MEP1A: variants seen among roughly 807,000 people sequenced by gnomAD.
MEP1A encodes N-benzoyl-L-tyrosyl-P-amino-benzoic acid hydrolase subunit alpha.
Under a neutral mutation model 84.5 loss-of-function variants are expected in MEP1A, and 68 were observed. The ratio of observed to expected loss-of-function variants is 0.80; its 90% CI spans 0.66 to 0.98. The LOEUF is 0.98. Among genes scored for constraint, MEP1A ranks in the 50% least tolerant of loss-of-function variants. The probability of loss-of-function intolerance (pLI) is 0.00; values close to 1 mark genes in which losing one functional copy is unlikely to be tolerated. For missense variants in MEP1A, 887 were observed against 919.9 expected (o/e 0.96, Z 0.46); for synonymous variants, 337 against 336.8 (o/e 1.00, Z -0.01).
chr6:46,839,145 C>T lies in MEP1A; in HGVS notation c.*9C>T. 6.2e-7 allele frequency: 1 copy of T among 1,610,424 alleles called. No homozygotes were observed. The highest frequency in any genetic ancestry group is 8.5e-7 in the Non-Finnish European group (1 of 1,178,718). On this transcript the variant is annotated 3_prime_UTR_variant, in exon 14 of 14. Coordinates refer to ENST00000230588, the MANE Select transcript of MEP1A (RefSeq NM_005588.3). ...AAAGGCCAAGGAAGTGACCTGCCTG[C>T]TGGCATTGGCCAGACCACAGCAGCA...
chr6:46,826,257 T>A (rs946094724), intron 8 of MEP1A, 97 bp from the exon 9 acceptor site: 3 of 1,112,342 alleles, frequency 2.7e-6, no homozygotes, highest in East Asian at 5.1e-5. Context: ...TGTGATCCTG[T>A]CATATCTGAA....
chr6:46,835,148 TG>T, intron 12 of MEP1A, 100 bp from the exon 13 acceptor site: 1 of 1,025,960 alleles, frequency 9.7e-7, no homozygotes, highest in Non-Finnish European at 1.4e-6. Flanking sequence ...CTAGGGGTGA[TG>T]GGAGATAGAA....
rs748420550 is a variant in MEP1A, at chr6:46,798,594, T to A, written c.146-12T>A. The A allele has an allele frequency of 1.9e-6, 3 of 1,611,972 alleles. No homozygotes were observed. The highest frequency in any genetic ancestry group is 4.5e-5 in the East Asian group (2 of 44,878). Reference sequence around the variant, plus strand: ...TCAAATATTCTTTTTTTAAAAAAAATTCCACTTCCAGCTGCAGGCTTGGAC... The same window carrying A: ...TCAAATATTCTTTTTTTAAAAAAAAATCCACTTCCAGCTGCAGGCTTGGAC... On this transcript the variant is annotated splice_polypyrimidine_tract_variant and intron_variant, in intron 3 of 13. Coordinates refer to ENST00000230588, the MANE Select transcript of MEP1A (RefSeq NM_005588.3).
At position 46,833,237 on chromosome 6, in the gene MEP1A, G is replaced by A. The variant is rs1160791319; in HGVS notation, c.1308G>A (p.Trp436Ter). Residue 436 changes from tryptophan (W) to a stop codon, truncating the protein, a stop_gained, in exon 11 of 14, where the codon TGG (tryptophan) becomes TGA (stop). Transcript: ENST00000230588. LOFTEE classifies it high-confidence loss of function. ...AAACCCCCTGCCCCACAGGGGTCTG[G>A]ACAGTCCGGAATTTCTCCCAAGTCC... is the stretch of plus-strand genomic sequence containing the variant. ...LTETPCPTGV[W>*]TVRNFSQVLE... The A allele has an allele frequency of 6.2e-7, 1 of 1,614,160 alleles. No individual in the cohort carries two copies. The highest frequency in any genetic ancestry group is 1.3e-5 in the African/African-American group (1 of 75,044).
chr6:46,819,432 A>G lies in MEP1A; in HGVS notation c.381-97A>G, dbSNP rs1302262906. ...CTGTTGGTAATTTCTTTCTAAAATC[A>G]AGCCTAATTTCCTCCTAATTTGTGT... On this transcript the variant is annotated intron_variant, in intron 6 of 13. Transcript: ENST00000230588. 8 of 961,756 alleles carry G rather than the reference A, an allele frequency of 8.3e-6. No homozygotes were observed. The African/African-American group carries it at 1.2e-4, about 14-fold the overall frequency. The allele number at this position is 961,756 out of a possible 1,614,324, so 59.6% of individuals were successfully genotyped here. A position where few individuals can be genotyped will look rare whatever the true frequency, so the allele number is the denominator to read the frequency against.
chr6:46,829,562 A>G lies in MEP1A; in HGVS notation c.1135A>G (p.Thr379Ala). The G allele has an allele frequency of 1.2e-6, 2 of 1,613,716 alleles. No homozygotes were observed. The highest frequency in any genetic ancestry group is 1.7e-6 in the Non-Finnish European group (2 of 1,179,636). Residue 379 changes from threonine to alanine, a missense_variant, in exon 10 of 14, where the codon ACT becomes GCT. By Grantham distance (58) the Thr-to-Ala change is moderately conservative. Transcript: ENST00000230588. ...GNVRKLVKVQ[T>A]FQGDDDHNWK... The stretch of plus-strand genomic sequence containing the variant: ...TGTTCGCAAGTTGGTGAAGGTGCAG[A>G]CTTTTCAAGGTACTTAGAGGCATTC...
downstream of MEP1A, among the ~76,000 whole-genome samples, chr6:46,842,441 G>A (rs948605403): frequency 6.6e-6 from 1 of 152,102 alleles, no homozygotes; most frequent in Non-Finnish European, 1.5e-5. Flanking sequence ...GTCTATAAAC[G>A]GCTGCTCTGG....
intron 13 of MEP1A, among the ~76,000 whole-genome samples, chr6:46,837,435 AT>A (rs1240901359): frequency 6.6e-6 from 1 of 152,210 alleles, no homozygotes; most frequent in Non-Finnish European, 1.5e-5. Context: ...CTCTAGGCTC[AT>A]CTTTAATTTT....
chr6:46,797,818 CTTTCTTTCTTTCTTTCTT>C (rs1562102597), intron 3 of MEP1A, among the ~76,000 whole-genome samples: 15 of 147,888 alleles, frequency 1.0e-4, no homozygotes, highest in South Asian at 2.2e-4. Context: ...TTCTTTCTTT[CTTTCTTTCTTTCTTTCTT>C]TCTCTCTCTC....
Position 46,835,269 on chromosome 6 carries a change from A to G in MEP1A, c.1804A>G (p.Thr602Ala). 6.2e-7 allele frequency: 1 copy of G among 1,600,512 alleles called. No homozygotes were observed. Among genetic ancestry groups the G allele is most frequent in the Non-Finnish European group, 8.5e-7 (1 of 1,174,166 alleles). Residue 602 changes from threonine (T) to alanine (A), a missense_variant, in exon 13 of 14, where the codon ACT becomes GCT. Transcript: ENST00000230588. ...DFEDITHLSQ[T>A]EVPTKGKRLS... is the part of the protein sequence containing the mutation. The stretch of plus-strand genomic sequence containing the variant: ...TGAAGATATCACCCACCTCAGCCAG[A>G]CTGAAGTTCCCACTAAAGGCAAAAG...
chr6:46,825,394 A>G lies in MEP1A; in HGVS notation c.679A>G (p.Thr227Ala), dbSNP rs150837750. ...FSFNKNASVP[T>A]ITAKIPEFNS... The stretch of plus-strand genomic sequence containing the variant: ...ATTTAACAAGAATGCAAGTGTTCCC[A>G]CCATCACAGCCAAGATCCCTGAGTT... Residue 227 changes from threonine (T) to alanine (A), a missense_variant, in exon 8 of 14, where the codon ACC (threonine) becomes GCC (alanine). Transcript: ENST00000230588. 218 of 1,613,664 alleles carry G rather than the reference A, an allele frequency of 1.4e-4. No homozygotes were observed. Among genetic ancestry groups the G allele is most frequent in the Non-Finnish European group, 1.7e-4 (202 of 1,179,780 alleles).
At chr6:46,834,832 A>C (rs1768174575) in intron 12 of MEP1A, 81 bp downstream of exon 12, 2 of 1,119,116 alleles carry the variant, frequency 1.8e-6, no homozygotes, top group Non-Finnish European at 2.6e-6. Context: ...TAAAGCACAC[A>C]CGGAGGGTGG....
chr6:46,816,245 C>A (rs907416346), intron 6 of MEP1A, among the ~76,000 whole-genome samples: 2 of 152,112 alleles, frequency 1.3e-5, no homozygotes, highest in Non-Finnish European at 2.9e-5. Flanking sequence ...GCATGAGCCA[C>A]CGCGCCCGGC....
intron 6 of MEP1A, among the ~76,000 whole-genome samples, chr6:46,814,016 T>A (rs1767568773): frequency 6.6e-6 from 1 of 152,184 alleles, no homozygotes; most frequent in South Asian, 2.1e-4. Flanking sequence ...GATAACCTGA[T>A]GACTGTGTGC....
chr6:46,834,670 A>G lies in MEP1A; in HGVS notation c.1702A>G (p.Ser568Gly). Residue 568 changes from serine to glycine, a missense_variant, in exon 12 of 14, where the codon AGT (serine) becomes GGT (glycine). Physicochemically the swap from Ser to Gly is moderately conservative, Grantham distance 56 (BLOSUM62 0). Coordinates refer to ENST00000230588, the MANE Select transcript of MEP1A (RefSeq NM_005588.3). ...TTTTAGAAGCATCGACTTGGGCTGGAGTGGTTTCATTTCCCACCAAATGCT... is the reference window on the plus strand; with the variant it reads ...TTTTAGAAGCATCGACTTGGGCTGGGGTGGTTTCATTTCCCACCAAATGCT... ...NCFRSIDLGW[S>G]GFISHQMLKR... 3 of 1,611,462 alleles carry G rather than the reference A, an allele frequency of 1.9e-6. No homozygotes were observed. Among genetic ancestry groups the G allele is most frequent in the Non-Finnish European group, 2.5e-6 (3 of 1,179,486 alleles).
rs111790538 is a variant in MEP1A at position 46,820,906 on chromosome 6, T to G, written c.556+1202T>G. 2.4e-3 allele frequency among the ~76,000 whole-genome samples: 373 copies of G among 152,338 alleles called. 3 individuals carry two copies. The highest frequency in any genetic ancestry group is 0.017 in the Middle Eastern group (5 of 294). ...AAACTTTAATATATTTAAAATGCCT[T>G]AACTGTTTCCGGCATGGCTTTTATA... On this transcript the variant is annotated intron_variant, in intron 7 of 13. Coordinates refer to ENST00000230588, the MANE Select transcript of MEP1A (RefSeq NM_005588.3).
At chr6:46,799,753 G>C (rs1245720456) in intron 5 of MEP1A, among the ~76,000 whole-genome samples, 3 of 152,102 alleles carry the variant, frequency 2.0e-5, no homozygotes, top group African/African-American at 7.2e-5. Flanking sequence ...TTTAGCTAAG[G>C]TTGCATATAG....
intron 5 of MEP1A, 94 bp downstream of exon 5, chr6:46,799,275 G>A (rs751780241): frequency 1.2e-6 from 1 of 804,494 alleles, no homozygotes; most frequent in South Asian, 1.5e-5. Flanking sequence ...TAACCACCAC[G>A]ATCTAAGAGA....
chr6:46,834,727 C>T lies in MEP1A; in HGVS notation c.1759C>T (p.Leu587Phe), dbSNP rs749158380. ...GAGGAGTTTCCTGAAAAATGATGAC[C>T]TCATCATATTTGTGGACTTTGAAGG... ...KRRSFLKNDD[L>F]IIFVDFEDIT... Residue 587 changes from leucine to phenylalanine, a missense_variant, in exon 12 of 14, where the codon CTC (leucine) becomes TTC (phenylalanine). Leu to Phe is a conservative substitution (Grantham distance 22, BLOSUM62 0). Transcript: ENST00000230588. 1.9e-5 allele frequency: 31 copies of T among 1,611,138 alleles called. No homozygotes were observed. In the South Asian group the frequency reaches 2.5e-4, roughly 13 times the overall value.
Sources: gnomAD v4.1 joint callset for allele counts (sites outside exome capture counted in the v4.1 genomes callset) on GRCh38, gnomAD v4.1.1 for gene constraint, MANE v1.5 for transcripts, NCBI Gene and HGNC (gene_info 2026-07-23, HGNC 2026-07-21) for gene names.